Variants in RYR3 observed in about 807,000 individuals in gnomAD.
RYR3 encodes the protein ryanodine receptor 3, also known as brain ryanodine receptor-calcium release channel.
In RYR3, 207 loss-of-function variants were observed where a neutral mutation model predicts 584.3. The observed-to-expected ratio is 0.35, with a 90% CI of 0.32 to 0.40. The LOEUF (loss-of-function observed/expected upper bound fraction) is 0.40, where lower values mean the gene tolerates loss of function less well. Among genes scored for constraint, RYR3 ranks in the 10% least tolerant of loss-of-function variants. The pLI is 1.00. For synonymous variants in RYR3, 2,416 were observed against 2,248.5 expected (o/e 1.07, Z -2.11); for missense variants, 5,616 against 6,089.2 (o/e 0.92, Z 2.59).
intron 70 of RYR3, among the ~76,000 whole-genome samples, chr15:33,809,517 A>G (rs1364626902): frequency 6.6e-6 from 1 of 150,916 alleles, no homozygotes; most frequent in Non-Finnish European, 1.5e-5. Context: ...TGGACCCACC[A>G]AGTGATTTCC....
rs984041239 is a variant in RYR3 at position 33,747,677 on chromosome 15, G to A, written c.7990-437G>A. Among the ~76,000 whole-genome samples, 7 of 151,902 alleles carry A rather than the reference G, an allele frequency of 4.6e-5. No individual in the cohort carries two copies. In the South Asian group the frequency reaches 6.2e-4, roughly 14 times the overall value. ...TGACCTCAGGTGATCCACCCGCCTC[G>A]GCCTCCCAAAGTGCTGGGATTACAG... On this transcript the variant is annotated intron_variant, in intron 53 of 103. Transcript: ENST00000634891.
At chr15:33,625,306 A>C (rs940040056) in intron 20 of RYR3, among the ~76,000 whole-genome samples, 1 of 152,200 alleles carries the variant, frequency 6.6e-6, no homozygotes, top group African/African-American at 2.4e-5. Flanking sequence ...TGGGAATTAC[A>C]ATTCGAGATG....
chr15:33,581,685 T>A, intron 14 of RYR3, 42 bp downstream of exon 14: 2 of 1,576,094 alleles, frequency 1.3e-6, no homozygotes, highest in Non-Finnish European at 1.7e-6. Flanking sequence ...ATGATTTCCA[T>A]GGGATTTCCA....
At position 33,694,466 on chromosome 15, in the gene RYR3, C is replaced by G. The variant is rs559074686; in HGVS notation, c.5861-1752C>G. Among the ~76,000 whole-genome samples the G allele has an allele frequency of 9.2e-5, 14 of 152,146 alleles. No individual in the cohort carries two copies. The East Asian group carries it at 2.3e-3, about 25-fold the overall frequency. On this transcript the variant is annotated intron_variant, in intron 38 of 103. Transcript: ENST00000634891. ...TCACCGTGTTAGCCAGGATAGTCTC[C>G]TTCTCCTGACCTCGTGATCCACCCA...
chr15:33,631,242 A>C lies in RYR3; in HGVS notation c.2816A>C (p.His939Pro), dbSNP rs377564147. The C allele has an allele frequency of 2.4e-5, 38 of 1,591,682 alleles. No homozygotes were observed. The highest frequency in any genetic ancestry group is 1.3e-4 in the South Asian group (11 of 87,028). The change falls in exon 23 of 104, where the codon CAT (histidine) becomes CCT (proline). Residue 939 changes from histidine (H) to proline (P), a missense_variant. Around this residue, in one of 9 missense-constraint regions of RYR3, gnomAD observed 1,284 missense variants for 1,344.6 expected, o/e 0.95. Coordinates refer to ENST00000634891, the MANE Select transcript of RYR3 (RefSeq NM_001036.6). ...TTGGCCCTGGGGTGCCACATTGCTCATGTTAACCCAGCTGCTGAGGAGGAT... is the reference window on the plus strand; with the variant it reads ...TTGGCCCTGGGGTGCCACATTGCTCCTGTTAACCCAGCTGCTGAGGAGGAT... ...TLLALGCHIA[H>P]VNPAAEEDLK...
chr15:33,332,794 G>A (rs1365357735), intron 1 of RYR3, among the ~76,000 whole-genome samples: 2 of 151,992 alleles, frequency 1.3e-5, no homozygotes, highest in African/African-American at 4.8e-5. Context: ...AAATATATGT[G>A]TTGTAGCTCA....
chr15:33,756,134 G>T (rs989749462), intron 58 of RYR3, among the ~76,000 whole-genome samples, 172 bp from the exon 59 acceptor site: 2 of 152,150 alleles, frequency 1.3e-5, no homozygotes, highest in Non-Finnish European at 2.9e-5. Context: ...TTAAAGAATT[G>T]ACACAAGAAA....
chr15:33,606,992 C>G (rs1309023561), intron 18 of RYR3, among the ~76,000 whole-genome samples: 1 of 152,172 alleles, frequency 6.6e-6, no homozygotes, highest in Non-Finnish European at 1.5e-5. Context: ...AAGGGGACTT[C>G]ACCTGTCTCC....
chr15:33,509,240 G>A (rs115573326), intron 3 of RYR3, among the ~76,000 whole-genome samples: 179 of 152,360 alleles, frequency 1.2e-3, no homozygotes, highest in African/African-American at 4.1e-3. Context: ...AGTCTGAACT[G>A]TGGCTGTGCC....
Position 33,360,348 on chromosome 15 carries a change from A to G in RYR3, c.51+49252A>G, listed in dbSNP as rs78722233. ...TATAGATTAGGTTTGTCTTTTCTAGAATTTTGTGTACATGGAATCCTACAG... is the reference window on the plus strand; with the variant it reads ...TATAGATTAGGTTTGTCTTTTCTAGGATTTTGTGTACATGGAATCCTACAG... On this transcript the variant is annotated intron_variant, in intron 1 of 103. Transcript: ENST00000634891. 2.8e-3 allele frequency among the ~76,000 whole-genome samples: 426 copies of G among 152,070 alleles called. 1 individual carries two copies. The highest frequency in any genetic ancestry group is 9.7e-3 in the African/African-American group (401 of 41,482).
chr15:33,719,749 G>C (rs1296938666), intron 43 of RYR3, among the ~76,000 whole-genome samples: 1 of 152,182 alleles, frequency 6.6e-6, no homozygotes, highest in African/African-American at 2.4e-5. Context: ...CCTCCTGTGA[G>C]TAAACTGTAT....
intron 39 of RYR3, 118 bp from the exon 40 acceptor site, chr15:33,697,764 T>A (rs2065956609): frequency 1.5e-6 from 1 of 650,188 alleles, no homozygotes; most frequent in Non-Finnish European, 2.8e-6. Context: ...TTATTATCTT[T>A]TCAGCCTGTT....
At chr15:33,410,503 C>T (rs1396619074) in intron 1 of RYR3, among the ~76,000 whole-genome samples, 8 of 152,154 alleles carry the variant, frequency 5.3e-5, no homozygotes, top group Non-Finnish European at 7.3e-5. Context: ...ACCAGTCATC[C>T]GTAATAGATT....
At chr15:33,685,431 C>T (rs1596147432) in intron 38 of RYR3, among the ~76,000 whole-genome samples, 1 of 152,246 alleles carries the variant, frequency 6.6e-6, no homozygotes, top group East Asian at 1.9e-4. Context: ...TACAGGAGCA[C>T]CCAGATTCAT....
chr15:33,767,889 T>C (rs968447440), intron 60 of RYR3, among the ~76,000 whole-genome samples: 2 of 152,180 alleles, frequency 1.3e-5, no homozygotes, highest in African/African-American at 4.8e-5. Context: ...AGCAGCATGT[T>C]CAGAAACAGC....
chr15:33,706,276 T>C (rs183655401), intron 42 of RYR3, among the ~76,000 whole-genome samples: 4 of 152,358 alleles, frequency 2.6e-5, no homozygotes, highest in Admixed American at 2.0e-4. Context: ...ACTGTATGTG[T>C]AGTATTCAAT....
intron 11 of RYR3, among the ~76,000 whole-genome samples, chr15:33,563,251 G>C (rs1225535705): frequency 1.3e-5 from 2 of 152,218 alleles, no homozygotes; most frequent in Non-Finnish European, 2.9e-5. Context: ...AAGAGGTGAT[G>C]TATTTAATGT....
At chr15:33,775,651 C>T (rs900244225) in intron 64 of RYR3, among the ~76,000 whole-genome samples, 2 of 152,154 alleles carry the variant, frequency 1.3e-5, no homozygotes, top group African/African-American at 4.8e-5. Context: ...CTACTTCTTT[C>T]GCTTTGCCTG....
chr15:33,541,612 A>G (rs1008285790), intron 7 of RYR3, among the ~76,000 whole-genome samples: 3 of 152,172 alleles, frequency 2.0e-5, no homozygotes, highest in Non-Finnish European at 4.4e-5. Context: ...AGAATTTTTA[A>G]AAATACTCAT....
Sources: gnomAD v4.1 joint callset for allele counts (sites outside exome capture counted in the v4.1 genomes callset) on GRCh38, gnomAD v4.1.1 for gene constraint, gnomAD v4.1.1 regional missense constraint, MANE v1.5 for transcripts, NCBI Gene and HGNC (gene_info 2026-07-23, HGNC 2026-07-21) for gene names.